Variants in CUX1 observed in about 807,000 individuals in gnomAD.
CUX1 encodes the protein cut like homeobox 1.
CUX1 carries 31 observed loss-of-function variants against 158.8 expected under a neutral mutation model. The observed-to-expected ratio is 0.20, with a 90% CI of 0.15 to 0.26. The LOEUF (loss-of-function observed/expected upper bound fraction) is 0.26. Among genes scored for constraint, CUX1 ranks in the 10% least tolerant of loss-of-function variants. CUX1 has a pLI of 1.00. For synonymous variants in CUX1, 879 were observed against 862.1 expected, an observed-to-expected ratio of 1.02 and a Z score of -0.34; for missense variants, 1,589 against 2,014.6, an observed-to-expected ratio of 0.79 and a Z score of 4.04.
chr7:101,991,946 A>G (rs1222701142), intron 2 of CUX1, among the ~76,000 whole-genome samples: 1 of 152,138 alleles, frequency 6.6e-6, no homozygotes, highest in Non-Finnish European at 1.5e-5. Flanking sequence ...CTGGAGTCCC[A>G]GCTCCTTGGG....
intron 4 of CUX1, among the ~76,000 whole-genome samples, chr7:102,074,446 C>G (rs1056274160): frequency 1.3e-5 from 2 of 152,232 alleles, no homozygotes; most frequent in Non-Finnish European, 2.9e-5. Flanking sequence ...ACCTGCTTCC[C>G]CTTCCTGAAG....
intron 12 of CUX1, among the ~76,000 whole-genome samples, chr7:102,193,575 C>T (rs1055699400): frequency 2.6e-5 from 4 of 152,042 alleles, no homozygotes; most frequent in African/African-American, 7.2e-5. Context: ...GAGGCTGAGG[C>T]GGGTGGATCA....
chr7:101,836,800 C>T (rs2131099809), intron 1 of CUX1, among the ~76,000 whole-genome samples: 1 of 152,006 alleles, frequency 6.6e-6, no homozygotes, highest in South Asian at 2.1e-4. Context: ...TGGAGACATG[C>T]CTGTGGGAGA....
intron 1 of CUX1, among the ~76,000 whole-genome samples, chr7:101,883,740 C>T (rs192437381): frequency 3.3e-5 from 5 of 151,908 alleles, no homozygotes; most frequent in Admixed American, 1.3e-4. Flanking sequence ...GGATTATAGG[C>T]GCCTGCTACC....
intron 1 of CUX1, among the ~76,000 whole-genome samples, chr7:101,863,847 G>A (rs537518215): frequency 5.9e-5 from 9 of 152,278 alleles, no homozygotes; most frequent in African/African-American, 2.2e-4. Flanking sequence ...CAGTGTCAAA[G>A]TTCCTCCATG....
intron 2 of CUX1, among the ~76,000 whole-genome samples, chr7:102,026,710 C>T (rs866332852): frequency 1.3e-5 from 2 of 150,774 alleles, no homozygotes; most frequent in South Asian, 4.2e-4. Flanking sequence ...GTCCCAGCTA[C>T]TCAGGAGGTT....
chr7:102,005,376 C>A (rs1817221965), intron 2 of CUX1, among the ~76,000 whole-genome samples: 1 of 152,198 alleles, frequency 6.6e-6, no homozygotes, highest in Non-Finnish European at 1.5e-5. Context: ...CTCCATCATC[C>A]AGGCTGGAGT....
intron 2 of CUX1, among the ~76,000 whole-genome samples, chr7:101,917,503 G>A (rs1179696441): frequency 6.6e-6 from 1 of 152,172 alleles, no homozygotes; most frequent in Admixed American, 6.5e-5. Flanking sequence ...GCAGGTGGGA[G>A]TCACTGGTGC....
chr7:102,029,078 C>T (rs1307461647), intron 3 of CUX1, among the ~76,000 whole-genome samples: 4 of 150,378 alleles, frequency 2.7e-5, no homozygotes, highest in Middle Eastern at 3.2e-3. Flanking sequence ...CTGCAACCTC[C>T]GTCTCCCAGG....
chr7:102,147,070 G>T (rs1273447988), intron 8 of CUX1, among the ~76,000 whole-genome samples: 1 of 152,022 alleles, frequency 6.6e-6, no homozygotes, highest in African/African-American at 2.4e-5. Context: ...TTTCCAGAAG[G>T]TTATCTGTAG....
At chr7:101,896,856 C>T (rs147621861) in intron 1 of CUX1, among the ~76,000 whole-genome samples, 188 of 152,258 alleles carry the variant, frequency 1.2e-3, no homozygotes, top group African/African-American at 4.1e-3. Context: ...GGAAAGTGCA[C>T]GTTTGTACCA....
At chr7:102,098,015 A>G (rs1430667886) in intron 5 of CUX1, among the ~76,000 whole-genome samples, 1 of 152,260 alleles carries the variant, frequency 6.6e-6, no homozygotes, top group Non-Finnish European at 1.5e-5. Context: ...GTGTTTGCCC[A>G]GCCGTCAACA....
At chr7:102,278,206 C>T (rs894257342) in intron 18 of CUX1, 75 of 522,630 alleles carry the variant, frequency 1.4e-4, no homozygotes, top group Non-Finnish European at 2.4e-4. Context: ...CTTCCGACAT[C>T]TCCCCACCCA....
chr7:102,204,915 TC>T (rs1405521768), intron 19 of CUX1, among the ~76,000 whole-genome samples, 198 bp from the exon 20 acceptor site: 1 of 152,204 alleles, frequency 6.6e-6, no homozygotes, highest in Non-Finnish European at 1.5e-5. Context: ...GTGGAAGATG[TC>T]ACAGGCGAAA....
chr7:102,206,012 T>C (rs1188222428), intron 20 of CUX1, among the ~76,000 whole-genome samples: 1 of 152,184 alleles, frequency 6.6e-6, no homozygotes, highest in African/African-American at 2.4e-5. Context: ...AACATGTTGA[T>C]TCGTCTCCAT....
chr7:101,860,114 T>C (rs1273016095), intron 1 of CUX1, among the ~76,000 whole-genome samples: 1 of 152,090 alleles, frequency 6.6e-6, no homozygotes, highest in Non-Finnish European at 1.5e-5. Context: ...CTTTTTTCTT[T>C]TTTTGGAAGG....
chr7:101,995,378 A>G (rs1815712763), intron 2 of CUX1, among the ~76,000 whole-genome samples: 1 of 152,182 alleles, frequency 6.6e-6, no homozygotes, highest in Non-Finnish European at 1.5e-5. Flanking sequence ...TCTGTCATTT[A>G]AAAAAATGAA....
chr7:101,952,002 A>G (rs936099143), intron 2 of CUX1, among the ~76,000 whole-genome samples: 5 of 152,240 alleles, frequency 3.3e-5, no homozygotes, highest in Admixed American at 2.0e-4. Flanking sequence ...TAAAAAGACA[A>G]TCAGGCCCAT....
intron 4 of CUX1, among the ~76,000 whole-genome samples, chr7:102,084,956 G>A (rs1827815653): frequency 7.0e-6 from 1 of 142,086 alleles, no homozygotes; most frequent in Non-Finnish European, 1.5e-5. Flanking sequence ...CCCAACATTA[G>A]GGAAAAGCAT....
Sources: allele counts gnomAD v4.1 joint callset (sites outside exome capture counted in the v4.1 genomes callset), GRCh38; gene constraint gnomAD v4.1.1; transcripts MANE v1.5; gene names NCBI Gene and HGNC (gene_info 2026-07-23, HGNC 2026-07-21).